The following CSMD1 variants were observed in gnomAD, a reference collection of about 807,000 sequenced individuals.
The protein encoded by CSMD1 is CUB and sushi domain-containing protein 1.
A neutral mutation model predicts 417.5 loss-of-function variants in CSMD1; 213 were observed. The observed-to-expected ratio is 0.51, with a 90% CI of 0.46 to 0.57. CSMD1 has a LOEUF of 0.57. Ranked by LOEUF, CSMD1 falls within the 20% of genes least tolerant of loss-of-function variation. The pLI is 0.00. For synonymous variants in CSMD1, 2,862 were observed against 1,736.8 expected (o/e 1.65, Z -16.11); for missense variants, 6,923 against 4,529.7 (o/e 1.53, Z -15.17).
At chr8:4,002,550 AAATT>A (rs1173981057) in intron 4 of CSMD1, among the ~76,000 whole-genome samples, 1 of 152,210 alleles carries the variant, frequency 6.6e-6, no homozygotes, top group East Asian at 1.9e-4. Flanking sequence ...CGACTGAGAA[AAATT>A]AATTACTTAA....
chr8:4,223,372 T>C (rs950231707), intron 3 of CSMD1, among the ~76,000 whole-genome samples: 9 of 152,242 alleles, frequency 5.9e-5, no homozygotes, highest in Non-Finnish European at 1.3e-4. Context: ...AGTCCATCCA[T>C]CAAGTAAATT....
chr8:4,802,518 T>G (rs1411893834), intron 1 of CSMD1, among the ~76,000 whole-genome samples: 1 of 151,868 alleles, frequency 6.6e-6, no homozygotes, highest in Non-Finnish European at 1.5e-5. Context: ...AAAGACAGAG[T>G]GTGAATTTCC....
intron 1 of CSMD1, among the ~76,000 whole-genome samples, chr8:4,853,242 G>A (rs867827796): frequency 2.6e-5 from 4 of 152,180 alleles, no homozygotes; most frequent in Admixed American, 1.3e-4. Context: ...AGAGATCTAT[G>A]AGGCAGCCCT....
intron 23 of CSMD1, among the ~76,000 whole-genome samples, chr8:3,332,775 G>A (rs1412429036): frequency 6.6e-6 from 1 of 152,234 alleles, no homozygotes; most frequent in Non-Finnish European, 1.5e-5. Flanking sequence ...GGCAGATGTT[G>A]CAGGGACCCT....
intron 33 of CSMD1, among the ~76,000 whole-genome samples, chr8:3,197,103 T>A (rs1409753003): frequency 2.0e-5 from 3 of 152,234 alleles, no homozygotes; most frequent in Non-Finnish European, 4.4e-5. Context: ...AAAGAGCCTC[T>A]AGACTTACAT....
chr8:2,992,417 C>G (rs1307966203), intron 54 of CSMD1, among the ~76,000 whole-genome samples: 2 of 151,944 alleles, frequency 1.3e-5, no homozygotes, highest in Admixed American at 6.5e-5. Flanking sequence ...TTTTGATTTG[C>G]TTTGTTGTTG....
rs148013465 is a variant in CSMD1 at position 4,904,866 on chromosome 8, C to T, written c.85+89466G>A. Among the ~76,000 whole-genome samples the T allele has an allele frequency of 5.3e-5, 8 of 152,232 alleles. No individual in the cohort carries two copies. The East Asian group carries it at 9.7e-4, about 18-fold the overall frequency. ...CAATGATCTGTAAATTACTACCTTT[C>T]GGGACTGTATTCATTTATTTTCCAA... On this transcript the variant is annotated intron_variant, in intron 1 of 69. Coordinates refer to ENST00000635120, the MANE Select transcript of CSMD1 (RefSeq NM_033225.6).
At chr8:3,926,856 C>G (rs889831896) in intron 5 of CSMD1, among the ~76,000 whole-genome samples, 2 of 150,814 alleles carry the variant, frequency 1.3e-5, no homozygotes, top group African/African-American at 2.4e-5. Context: ...GCTGGGATTA[C>G]AGGCATGTGC....
intron 2 of CSMD1, among the ~76,000 whole-genome samples, chr8:4,508,567 G>A (rs1390269732): frequency 6.6e-6 from 1 of 152,160 alleles, no homozygotes; most frequent in African/African-American, 2.4e-5. Flanking sequence ...AGAGATCAAA[G>A]AGAATCAGAA....
At chr8:4,961,603 G>C (rs1422707969) in intron 1 of CSMD1, among the ~76,000 whole-genome samples, 1 of 152,118 alleles carries the variant, frequency 6.6e-6, no homozygotes, top group Non-Finnish European at 1.5e-5. Flanking sequence ...GTGAAATTCT[G>C]TGCCGTTTTG....
At chr8:3,302,834 G>C (rs952735098) in intron 25 of CSMD1, among the ~76,000 whole-genome samples, 1 of 152,162 alleles carries the variant, frequency 6.6e-6, no homozygotes, top group South Asian at 2.1e-4. Context: ...TTGGGAGCTG[G>C]TGTTATTTAA....
At chr8:4,390,375 T>A (rs1017099132) in intron 3 of CSMD1, among the ~76,000 whole-genome samples, 1 of 152,086 alleles carries the variant, frequency 6.6e-6, no homozygotes, top group Non-Finnish European at 1.5e-5. Context: ...GCCTGGGAGA[T>A]CTAAAATGTT....
intron 3 of CSMD1, among the ~76,000 whole-genome samples, chr8:4,289,219 G>A (rs1203774847): frequency 2.6e-5 from 4 of 152,230 alleles, no homozygotes; most frequent in Non-Finnish European, 2.9e-5. Flanking sequence ...CTAGATACCT[G>A]TCGGTCATTT....
chr8:4,307,863 C>G (rs146152922), intron 3 of CSMD1, among the ~76,000 whole-genome samples: 341 of 152,218 alleles, frequency 2.2e-3, no homozygotes, highest in African/African-American at 7.6e-3. Flanking sequence ...GAAATCTTCA[C>G]TGAGCAAGAA....
chr8:3,426,931 A>C (rs1585148386), intron 12 of CSMD1, among the ~76,000 whole-genome samples: 1 of 152,172 alleles, frequency 6.6e-6, no homozygotes, highest in African/African-American at 2.4e-5. Context: ...GCCTCAGGAA[A>C]CTTACAATCG....
At chr8:3,223,428 C>G (rs1798324085) in intron 28 of CSMD1, among the ~76,000 whole-genome samples, 2 of 152,170 alleles carry the variant, frequency 1.3e-5, no homozygotes, top group African/African-American at 4.8e-5. Flanking sequence ...CCAAATGTCT[C>G]CATACCATAT....
intron 1 of CSMD1, among the ~76,000 whole-genome samples, chr8:4,917,763 T>C (rs931674431): frequency 1.3e-5 from 2 of 152,274 alleles, no homozygotes; most frequent in South Asian, 2.1e-4. Flanking sequence ...AAGTTCACAA[T>C]ACCTAATAAT....
chr8:4,255,821 G>T (rs1257063636), intron 3 of CSMD1, among the ~76,000 whole-genome samples: 1 of 152,164 alleles, frequency 6.6e-6, no homozygotes, highest in African/African-American at 2.4e-5. Flanking sequence ...GGCACTGGCT[G>T]GCCTTGGCCT....
At chr8:4,262,835 C>T (rs2128843090) in intron 3 of CSMD1, among the ~76,000 whole-genome samples, 1 of 152,292 alleles carries the variant, frequency 6.6e-6, no homozygotes, top group East Asian at 1.9e-4. Flanking sequence ...TAAGCCTTGG[C>T]TTTAATCAAA....
Sources: gnomAD v4.1 joint callset for allele counts (sites outside exome capture counted in the v4.1 genomes callset) on GRCh38, gnomAD v4.1.1 for gene constraint, MANE v1.5 for transcripts, NCBI Gene and HGNC (gene_info 2026-07-23, HGNC 2026-07-21) for gene names.